GNA14: variants seen among roughly 807,000 people sequenced by gnomAD.
The protein encoded by GNA14 is G protein subunit alpha 14, also known as guanine nucleotide-binding protein subunit alpha-14.
GNA14 carries 50 observed loss-of-function variants against 42.0 expected under a neutral mutation model. The observed-to-expected ratio is 1.19, with a 90% CI of 0.95 to 1.51. The LOEUF (loss-of-function observed/expected upper bound fraction) is 1.51. Among genes scored for constraint, GNA14 ranks in the 40% most tolerant of loss-of-function variants. The pLI, the probability that GNA14 is intolerant of heterozygous loss-of-function variation, is 0.00. For synonymous variants in GNA14, 173 were observed against 163.1 expected (o/e 1.06, Z -0.46); for missense variants, 473 against 446.2 (o/e 1.06, Z -0.54).
At position 77,423,817 on chromosome 9, in the gene GNA14, A is replaced by G. The variant is rs1004562592; in HGVS notation, c.*162T>C. ...TTTTAAAGTATGTTGGTAAACTCAA[A>G]TATCTTCCAAGTTCCATCACCCATC... On this transcript the variant is annotated 3_prime_UTR_variant, in exon 7 of 7. Coordinates refer to ENST00000341700, the MANE Select transcript of GNA14 (RefSeq NM_004297.4). 4.9e-6 allele frequency: 2 copies of G among 410,116 alleles called. No individual in the cohort carries two copies. Among genetic ancestry groups the G allele is most frequent in the Admixed American group, 8.8e-5 (2 of 22,826 alleles). 25.4% of individuals were successfully genotyped at this position (410,116 alleles called of 1,614,324 possible). A position where few individuals can be genotyped will look rare whatever the true frequency, so the allele number is the denominator to read the frequency against.
At chr9:77,551,920 A>C (rs1412261606) in intron 1 of GNA14, among the ~76,000 whole-genome samples, 1 of 151,794 alleles carries the variant, frequency 6.6e-6, no homozygotes, top group Non-Finnish European at 1.5e-5. Context: ...CAGGCGGATC[A>C]CCTGAGGTCA....
chr9:77,603,956 C>CA (rs67044542), intron 1 of GNA14, among the ~76,000 whole-genome samples: 950 of 81,598 alleles, frequency 0.012, 5 homozygotes, highest in African/African-American at 0.014. Context: ...AAAAAAAAAA[C>CA]AAAAAAAAAA....
chr9:77,460,364 G>T (rs969076492), intron 2 of GNA14, among the ~76,000 whole-genome samples: 12 of 152,230 alleles, frequency 7.9e-5, no homozygotes, highest in Non-Finnish European at 1.8e-4. Context: ...GCAGCAGCTG[G>T]GAGAGAGGCA....
At chr9:77,496,914 T>A (rs1587799916) in intron 2 of GNA14, among the ~76,000 whole-genome samples, 2 of 152,210 alleles carry the variant, frequency 1.3e-5, no homozygotes, top group East Asian at 3.8e-4. Flanking sequence ...ATTATCCTGC[T>A]TTGTCAGATA....
At chr9:77,561,292 T>G (rs1222615197) in intron 1 of GNA14, among the ~76,000 whole-genome samples, 1 of 152,188 alleles carries the variant, frequency 6.6e-6, no homozygotes, top group Non-Finnish European at 1.5e-5. Flanking sequence ...TCAAAATACC[T>G]TCCCAAACCA....
At chr9:77,616,024 A>G (rs1823809989) in intron 1 of GNA14, among the ~76,000 whole-genome samples, 1 of 152,048 alleles carries the variant, frequency 6.6e-6, no homozygotes, top group Non-Finnish European at 1.5e-5. Flanking sequence ...GTTTGTCTGA[A>G]ATCTCAGAGT....
intron 2 of GNA14, among the ~76,000 whole-genome samples, chr9:77,510,780 A>C (rs1837152537): frequency 6.6e-6 from 1 of 152,190 alleles, no homozygotes; most frequent in Admixed American, 6.5e-5. Context: ...TATAATTAGG[A>C]GGCAGCTCCC....
At chr9:77,645,577 G>A (rs1340216477) in intron 1 of GNA14, among the ~76,000 whole-genome samples, 2 of 152,204 alleles carry the variant, frequency 1.3e-5, no homozygotes, top group Non-Finnish European at 2.9e-5. Context: ...GTGCCTCAAG[G>A]TGGTAGGAGG....
chr9:77,614,311 C>T (rs1346508961), intron 1 of GNA14, among the ~76,000 whole-genome samples: 1 of 152,118 alleles, frequency 6.6e-6, no homozygotes, highest in Non-Finnish European at 1.5e-5. Flanking sequence ...ATCCCAGTGA[C>T]CAAAACTAGA....
chr9:77,573,839 T>A (rs1173739491), intron 1 of GNA14, among the ~76,000 whole-genome samples: 2 of 152,164 alleles, frequency 1.3e-5, no homozygotes, highest in African/African-American at 4.8e-5. Context: ...AGTGTTGGCA[T>A]GTGACTAACT....
rs1835421771 is a variant in GNA14, at chr9:77,424,377, C to G, written c.878-208G>C. On this transcript the variant is annotated intron_variant, in intron 6 of 6. Coordinates refer to ENST00000341700, the MANE Select transcript of GNA14 (RefSeq NM_004297.4). Reference sequence around the variant, plus strand: ...AGCTGGGATTACAGATGCGTACCACCACACACAGCTAATTTTTGTATTTTT... The same window carrying G: ...AGCTGGGATTACAGATGCGTACCACGACACACAGCTAATTTTTGTATTTTT... Among the ~76,000 whole-genome samples, 3 of 152,166 alleles carry G rather than the reference C, an allele frequency of 2.0e-5. No individual in the cohort carries two copies. In the South Asian group the frequency reaches 6.2e-4, roughly 32 times the overall value.
intron 1 of GNA14, among the ~76,000 whole-genome samples, chr9:77,566,912 C>A (rs530945195): frequency 2.0e-5 from 3 of 152,072 alleles, no homozygotes; most frequent in Admixed American, 6.6e-5. Context: ...TCAAATGCTA[C>A]GCTAATTAAA....
chr9:77,619,726 A>ATAAT (rs1823892238), intron 1 of GNA14, among the ~76,000 whole-genome samples: 1 of 152,204 alleles, frequency 6.6e-6, no homozygotes, highest in Non-Finnish European at 1.5e-5. Flanking sequence ...TCTGGCCTAT[A>ATAAT]GTCAGCACTA....
At chr9:77,567,992 T>C (rs1001082291) in intron 1 of GNA14, among the ~76,000 whole-genome samples, 3 of 152,160 alleles carry the variant, frequency 2.0e-5, no homozygotes, top group African/African-American at 7.2e-5. Context: ...AAATAATTTG[T>C]TTTACAGAGG....
intron 1 of GNA14, among the ~76,000 whole-genome samples, chr9:77,607,605 T>G (rs1036895335): frequency 6.6e-6 from 1 of 152,222 alleles, no homozygotes; most frequent in Non-Finnish European, 1.5e-5. Context: ...TGCAAACTTC[T>G]TTAAGTGCTG....
In GNA14 at chr9:77,431,804, C is replaced by T. The variant is rs117921600; in HGVS notation, c.465-355G>A. 1.1e-3 allele frequency: 227 copies of T among 202,218 alleles called. 1 individual carries two copies. Among genetic ancestry groups the T allele is most frequent in the Non-Finnish European group, 1.7e-3 (172 of 99,784 alleles). 12.5% of individuals were successfully genotyped at this position (202,218 alleles called of 1,614,324 possible). A position where few individuals can be genotyped will look rare whatever the true frequency, so the allele number is the denominator to read the frequency against. On this transcript the variant is annotated intron_variant, in intron 3 of 6. Coordinates refer to ENST00000341700, the MANE Select transcript of GNA14 (RefSeq NM_004297.4). ...CTCTCTCCAACACCCCATCTGTCAT[C>T]CTCCCTCCAGAGCCCCTTCTCCCTC... is the stretch of plus-strand genomic sequence containing the variant.
At chr9:77,465,225 A>G (rs1468678917) in intron 2 of GNA14, among the ~76,000 whole-genome samples, 3 of 152,214 alleles carry the variant, frequency 2.0e-5, no homozygotes, top group Non-Finnish European at 4.4e-5. Flanking sequence ...CTCTGTCTCT[A>G]TGAATTTGCC....
intron 1 of GNA14, among the ~76,000 whole-genome samples, chr9:77,538,444 AT>A (rs964748659): frequency 2.0e-5 from 3 of 150,730 alleles, no homozygotes; most frequent in South Asian, 2.1e-4. Flanking sequence ...GAAACTTGGG[AT>A]TTTTTTTTCT....
chr9:77,565,828 G>A (rs1305561249), intron 1 of GNA14, among the ~76,000 whole-genome samples: 1 of 152,148 alleles, frequency 6.6e-6, no homozygotes, highest in Non-Finnish European at 1.5e-5. Context: ...TATTTCTATT[G>A]AATGAGTCTG....
Sources: allele counts gnomAD v4.1 joint callset (sites outside exome capture counted in the v4.1 genomes callset), GRCh38; gene constraint gnomAD v4.1.1; transcripts MANE v1.5; gene names NCBI Gene and HGNC (gene_info 2026-07-23, HGNC 2026-07-21).